Variants in KIAA1328 observed in about 807,000 individuals in gnomAD.
KIAA1328 encodes the protein protein hinderin.
A neutral mutation model predicts 68.1 loss-of-function variants in KIAA1328; 52 were observed. The ratio of observed to expected loss-of-function variants is 0.76; its 90% CI spans 0.61 to 0.96. The LOEUF is 0.96. KIAA1328 is among the 40% of genes least tolerant of loss of function. KIAA1328 has a pLI of 0.00. For synonymous variants in KIAA1328, 232 were observed against 239.4 expected (o/e 0.97, Z 0.28); for missense variants, 641 against 677.6 (o/e 0.95, Z 0.60).
intron 7 of KIAA1328, among the ~76,000 whole-genome samples, chr18:37,154,117 T>C (rs776014939): frequency 6.6e-6 from 1 of 152,166 alleles, no homozygotes; most frequent in Non-Finnish European, 1.5e-5. Context: ...AACTCAGTAA[T>C]TTTCAATCCT....
chr18:36,852,115 A>T (rs892719087), intron 4 of KIAA1328, among the ~76,000 whole-genome samples: 1 of 152,088 alleles, frequency 6.6e-6, no homozygotes, highest in African/African-American at 2.4e-5. Flanking sequence ...CTTGATTTAG[A>T]ATTTTATTCT....
chr18:37,021,310 C>G (rs1053986177), intron 6 of KIAA1328, among the ~76,000 whole-genome samples: 1 of 152,124 alleles, frequency 6.6e-6, no homozygotes, highest in Admixed American at 6.5e-5. Context: ...CAAACAAATG[C>G]AATAAATCAG....
At chr18:36,834,251 T>C in intron 1 of KIAA1328, 69 bp from the exon 2 acceptor site, 1 of 1,392,194 alleles carries the variant, frequency 7.2e-7, no homozygotes, top group Non-Finnish European at 9.4e-7. Context: ...ATAAGAGGTA[T>C]ACAGAACAGA....
chr18:37,071,057 C>CTTTTTTTTTTTT (rs58722044), intron 7 of KIAA1328, among the ~76,000 whole-genome samples: 8 of 86,838 alleles, frequency 9.2e-5, no homozygotes, highest in East Asian at 3.4e-4. Flanking sequence ...TTTTTTCTTC[C>CTTTTTTTTTTTT]TTTTTTTTTT....
intron 5 of KIAA1328, among the ~76,000 whole-genome samples, chr18:36,953,595 A>G (rs894039488): frequency 2.6e-5 from 4 of 151,818 alleles, no homozygotes; most frequent in African/African-American, 7.3e-5. Flanking sequence ...GATACCTGGG[A>G]TGGTTGGACT....
chr18:36,947,979 CA>C (rs1340026923), intron 5 of KIAA1328, among the ~76,000 whole-genome samples: 1 of 151,992 alleles, frequency 6.6e-6, no homozygotes, highest in African/African-American at 2.4e-5. Flanking sequence ...GCCTGAATTC[CA>C]AAGGGATGAG....
chr18:36,977,458 A>T (rs9304169), intron 6 of KIAA1328, among the ~76,000 whole-genome samples: 90,556 of 151,942 alleles, frequency 0.6, 28,841 homozygotes, highest in East Asian at 0.87. Flanking sequence ...TATGAAATAA[A>T]TGTTTGATGG....
intron 6 of KIAA1328, among the ~76,000 whole-genome samples, chr18:36,999,433 G>C (rs2053508989): frequency 6.6e-6 from 1 of 152,120 alleles, no homozygotes; most frequent in African/African-American, 2.4e-5. Flanking sequence ...TTGCCAGGCA[G>C]ATACAATGCA....
chr18:37,182,040 CT>C (rs952798332), intron 9 of KIAA1328, among the ~76,000 whole-genome samples: 2 of 152,080 alleles, frequency 1.3e-5, no homozygotes, highest in Admixed American at 6.6e-5. Flanking sequence ...GAGGATTATC[CT>C]TCCTTGTTGT....
At chr18:37,028,260 G>C (rs1270904989) in intron 6 of KIAA1328, among the ~76,000 whole-genome samples, 1 of 152,126 alleles carries the variant, frequency 6.6e-6, no homozygotes, top group Non-Finnish European at 1.5e-5. Context: ...TTCCTGATTA[G>C]CTGTATTCGA....
intron 9 of KIAA1328, 65 bp from the exon 10 acceptor site, chr18:37,221,952 G>A (rs1460270288): frequency 1.3e-5 from 20 of 1,502,252 alleles, no homozygotes; most frequent in Non-Finnish European, 1.7e-5. Context: ...CATTTCTGCT[G>A]GGCTTCTTGA....
At chr18:36,944,973 G>T (rs1224317376) in intron 5 of KIAA1328, among the ~76,000 whole-genome samples, 1 of 152,190 alleles carries the variant, frequency 6.6e-6, no homozygotes, top group Non-Finnish European at 1.5e-5. Flanking sequence ...TAATGAGGAA[G>T]AGGGAGAGAT....
In KIAA1328 at chr18:37,160,355, AG is replaced by A; in HGVS notation, c.1389del (p.Asp465IlefsTer10). 1 of 1,613,582 alleles carries A rather than the reference AG, an allele frequency of 6.2e-7. No homozygotes were observed. The highest frequency in any genetic ancestry group is 8.5e-7 in the Non-Finnish European group (1 of 1,179,592). ...GATGATGCCCAGTGGTCATGTCAAA[AG>A]AAAGATACATGTAGACCCCAAAGAG... ...MKDDAQWSCQ[K>X]KDTCRPQRGT... On this transcript the variant is annotated frameshift_variant, in exon 8 of 10. Transcript: ENST00000280020. LOFTEE classifies it high-confidence loss of function.
chr18:37,081,762 G>A (rs1044965783), intron 7 of KIAA1328, among the ~76,000 whole-genome samples: 1 of 151,994 alleles, frequency 6.6e-6, no homozygotes, highest in Non-Finnish European at 1.5e-5. Context: ...CATCCTTCAT[G>A]TTTCTTTCTC....
chr18:37,215,727 C>G (rs1384333144), intron 9 of KIAA1328, among the ~76,000 whole-genome samples: 1 of 152,116 alleles, frequency 6.6e-6, no homozygotes, highest in Non-Finnish European at 1.5e-5. Context: ...GGAATGGTAC[C>G]AGCTCCTCTT....
intron 9 of KIAA1328, among the ~76,000 whole-genome samples, chr18:37,189,458 A>G (rs938491989): frequency 5.9e-5 from 9 of 152,246 alleles, no homozygotes; most frequent in African/African-American, 2.2e-4. Flanking sequence ...TAAGATGAAG[A>G]TAGTATAGAA....
At chr18:37,046,800 A>C (rs1305051218) in intron 6 of KIAA1328, among the ~76,000 whole-genome samples, 1 of 152,214 alleles carries the variant, frequency 6.6e-6, no homozygotes, top group Non-Finnish European at 1.5e-5. Context: ...TAATCTACAA[A>C]TTTTAGAAAG....
intron 7 of KIAA1328, among the ~76,000 whole-genome samples, chr18:37,147,879 G>A (rs1159932167): frequency 6.6e-6 from 1 of 152,090 alleles, no homozygotes; most frequent in Non-Finnish European, 1.5e-5. Context: ...AGACATCATA[G>A]AGTATACATA....
chr18:36,835,570 A>T (rs2046646661), intron 3 of KIAA1328, among the ~76,000 whole-genome samples, 194 bp downstream of exon 3: 1 of 152,204 alleles, frequency 6.6e-6, no homozygotes. Flanking sequence ...GTTTTGCTCC[A>T]AAACATCTGA....
Sources: gnomAD v4.1 joint callset for allele counts (sites outside exome capture counted in the v4.1 genomes callset) on GRCh38, gnomAD v4.1.1 for gene constraint, MANE v1.5 for transcripts, NCBI Gene and HGNC (gene_info 2026-07-23, HGNC 2026-07-21) for gene names.